The following DMD variants were observed in gnomAD, a reference collection of about 807,000 sequenced individuals.
The protein encoded by DMD is mutant dystrophin.
Under a neutral mutation model 330.1 loss-of-function variants are expected in DMD, and 63 were observed. The observed-to-expected ratio is 0.19, with a 90% CI of 0.16 to 0.24. The LOEUF is 0.24. Ranked by LOEUF, DMD falls within the 10% of genes least tolerant of loss-of-function variation. The probability of loss-of-function intolerance (pLI) is 1.00; values close to 1 mark genes in which losing one functional copy is unlikely to be tolerated. For missense variants in DMD, 3,344 were observed against 2,684.1 expected (o/e 1.25, Z -5.43); for synonymous variants, 1,223 against 959.8 (o/e 1.27, Z -5.07).
chrX:31,906,292 A>C (rs2094478202), intron 47 of DMD, among the ~76,000 whole-genome samples: 1 of 112,018 alleles, frequency 8.9e-6, no homozygotes, highest in Non-Finnish European at 1.9e-5. Flanking sequence ...TTCCTTTATA[A>C]ATTACCCAGT....
intron 44 of DMD, among the ~76,000 whole-genome samples, chrX:32,042,251 T>G (rs2096016575): frequency 9.4e-6 from 1 of 106,396 alleles, no homozygotes; most frequent in African/African-American, 3.4e-5. Flanking sequence ...TGCCTGAGAC[T>G]GGGTAATTTA....
intron 44 of DMD, among the ~76,000 whole-genome samples, chrX:32,099,536 T>C: frequency 9.1e-6 from 1 of 109,558 alleles, no homozygotes; most frequent in South Asian, 4.0e-4. Context: ...ATGTGGCACA[T>C]ATACACCATG....
chrX:31,433,748 G>A (rs902016028), intron 60 of DMD, among the ~76,000 whole-genome samples: 4 of 111,297 alleles, frequency 3.6e-5, no homozygotes, highest in Non-Finnish European at 7.5e-5. Context: ...CGTGAGCCAC[G>A]ACACCCGGTC....
Position 32,081,480 on chromosome X carries a change from C to G in DMD, c.6439-112966G>C, listed in dbSNP as rs771013618. ...TTACAGCTCAACTTCTCTTTCTGTC[C>G]AATCCTGCTTCTAAGCCCTCTCTTG... On this transcript the variant is annotated intron_variant, in intron 44 of 78. Transcript: ENST00000357033. Among the ~76,000 whole-genome samples, 5 of 112,273 alleles carry G rather than the reference C, an allele frequency of 4.5e-5. No individual in the cohort carries two copies. The South Asian group carries it at 1.8e-3, about 41-fold the overall frequency.
intron 1 of DMD, among the ~76,000 whole-genome samples, chrX:33,297,235 G>A (rs745380166): frequency 9.9e-5 from 11 of 111,103 alleles, no homozygotes; most frequent in African/African-American, 3.6e-4. Context: ...TTTAAAAATA[G>A]ACTTTGATAG....
rs1240011010 is a variant in DMD at position 33,009,343 on chromosome X, T to C, written c.93+10796A>G. 1.1e-4 allele frequency among the ~76,000 whole-genome samples: 6 copies of C among 54,798 alleles called. 2 individuals carry two copies. The highest frequency in any genetic ancestry group is 3.9e-4 in the Admixed American group (2 of 5,128). The allele number at this position is 54,798 out of a possible 115,157, so 47.6% of individuals were successfully genotyped here. A position where few individuals can be genotyped will look rare whatever the true frequency, so the allele number is the denominator to read the frequency against. On this transcript the variant is annotated intron_variant, in intron 2 of 78. Transcript: ENST00000357033. ...ATGTGTATATGTGTATATACACGTG[T>C]ATATACACATGTGTGTATATGTGTA...
chrX:31,284,870 CCACACA>C (rs1569517188), intron 62 of DMD, among the ~76,000 whole-genome samples: 7 of 100,241 alleles, frequency 7.0e-5, no homozygotes, highest in East Asian at 3.0e-4. Flanking sequence ...ACACCCACAC[CCACACA>C]CGCAAAGTAT....
chrX:32,568,219 T>TA (rs2051973727), intron 15 of DMD, among the ~76,000 whole-genome samples: 1 of 111,973 alleles, frequency 8.9e-6, no homozygotes, highest in Non-Finnish European at 1.9e-5. Context: ...AAGTCACCAT[T>TA]AAAAATAAAA....
chrX:32,608,591 G>A (rs1369256831), intron 12 of DMD, among the ~76,000 whole-genome samples: 3 of 110,123 alleles, frequency 2.7e-5, no homozygotes, highest in African/African-American at 6.5e-5. Context: ...TTTTTTTGCT[G>A]TATGCCCAAC....
At chrX:31,204,643 G>A (rs767442839) in intron 66 of DMD, among the ~76,000 whole-genome samples, 1 of 111,922 alleles carries the variant, frequency 8.9e-6, no homozygotes, top group Admixed American at 9.4e-5. Context: ...TGTTTTTTGA[G>A]ACGGAGTCTT....
At chrX:31,809,824 G>A in intron 50 of DMD, among the ~76,000 whole-genome samples, 1 of 110,254 alleles carries the variant, frequency 9.1e-6, no homozygotes, top group Non-Finnish European at 1.9e-5. Flanking sequence ...GCTTACTACT[G>A]AGATTGTGAA....
At chrX:32,554,957 G>GAA (rs1556792151) in intron 16 of DMD, among the ~76,000 whole-genome samples, 1 of 73,815 alleles carries the variant, frequency 1.4e-5, no homozygotes, top group African/African-American at 4.1e-5. Context: ...GAGAGGGAGA[G>GAA]AGAAAGAAAG....
intron 44 of DMD, among the ~76,000 whole-genome samples, chrX:32,117,347 C>A (rs946529364): frequency 3.6e-5 from 4 of 111,611 alleles, no homozygotes; most frequent in Non-Finnish European, 5.6e-5. Flanking sequence ...TGTCAAAAGA[C>A]ACATGAGAAT....
At chrX:33,029,200 T>C (rs921693885) in intron 1 of DMD, among the ~76,000 whole-genome samples, 2 of 111,794 alleles carry the variant, frequency 1.8e-5, no homozygotes, top group Admixed American at 9.5e-5. Flanking sequence ...AAATTATCCA[T>C]TGAGCACCCA....
At chrX:32,801,321 C>G (rs771825196) in intron 7 of DMD, among the ~76,000 whole-genome samples, 1 of 111,461 alleles carries the variant, frequency 9.0e-6, no homozygotes, top group Non-Finnish European at 1.9e-5. Context: ...ACATAAATGT[C>G]TTCTTTGAGA....
chrX:32,188,959 T>A (rs2096959590), intron 44 of DMD, among the ~76,000 whole-genome samples: 1 of 111,176 alleles, frequency 9.0e-6, no homozygotes, highest in African/African-American at 3.3e-5. Flanking sequence ...TATATTTTTA[T>A]GCTTTTCACC....
At chrX:32,306,363 T>A (rs760881053) in intron 42 of DMD, among the ~76,000 whole-genome samples, 4 of 111,189 alleles carry the variant, frequency 3.6e-5, no homozygotes, top group African/African-American at 1.3e-4. Context: ...CTTCACACTA[T>A]CTTTGGCTTA....
chrX:32,169,301 C>T (rs1299031785), intron 44 of DMD, among the ~76,000 whole-genome samples: 1 of 111,175 alleles, frequency 9.0e-6, no homozygotes, highest in African/African-American at 3.3e-5. Context: ...GAAATAATTG[C>T]CTAGACAAGA....
chrX:32,918,618 TG>T (rs2088080089), intron 2 of DMD, among the ~76,000 whole-genome samples: 2 of 112,321 alleles, frequency 1.8e-5, no homozygotes, highest in Admixed American at 9.5e-5. Context: ...CCCAAAGTGC[TG>T]GCATTACAGG....
Sources: gnomAD v4.1 joint callset for allele counts (sites outside exome capture counted in the v4.1 genomes callset) on GRCh38, gnomAD v4.1.1 for gene constraint, MANE v1.5 for transcripts, NCBI Gene and HGNC (gene_info 2026-07-23, HGNC 2026-07-21) for gene names.